SFMBT2: variants seen among roughly 807,000 people sequenced by gnomAD.
SFMBT2 encodes scm-like with four MBT domains protein 2.
A neutral mutation model predicts 110.1 loss-of-function variants in SFMBT2; 38 were observed. The observed-to-expected ratio is 0.35, with a 90% CI of 0.27 to 0.45. SFMBT2 has a LOEUF of 0.45. SFMBT2 is among the 20% of genes least tolerant of loss of function. SFMBT2 has a pLI of 1.00. For missense variants in SFMBT2, 1,011 were observed against 1,094.9 expected (o/e 0.92, Z 1.08); for synonymous variants, 425 against 425.4 (o/e 1.00, Z 0.01).
intron 4 of SFMBT2, among the ~76,000 whole-genome samples, chr10:7,290,650 A>C (rs1336211430): frequency 2.6e-5 from 4 of 152,128 alleles, no homozygotes; most frequent in Non-Finnish European, 5.9e-5. Flanking sequence ...ATCCTGGGTA[A>C]CACAGCAAGA....
chr10:7,319,569 T>C (rs1008499864), intron 4 of SFMBT2, among the ~76,000 whole-genome samples: 2 of 152,230 alleles, frequency 1.3e-5, no homozygotes, highest in African/African-American at 4.8e-5. Flanking sequence ...GGAAGTTTCA[T>C]TTTGTTTATT....
rs928208665 is a variant in SFMBT2 at position 7,320,596 on chromosome 10, G to C, written c.437-34642C>G. The C allele has an allele frequency of 2.1e-5, 21 of 985,136 alleles. No individual in the cohort carries two copies. The Admixed American group carries it at 9.2e-4, about 43-fold the overall frequency. 61.0% of individuals were successfully genotyped at this position (985,136 alleles called of 1,614,324 possible). On this transcript the variant is annotated intron_variant, in intron 4 of 20. Transcript: ENST00000397167. ...AGAACAGTAAAGTCACACCTGCTGA[G>C]AGCCAATATATGGAATTCCTTTTCA... is the stretch of plus-strand genomic sequence containing the variant.
At chr10:7,227,259 G>A (rs1588359720) in intron 10 of SFMBT2, among the ~76,000 whole-genome samples, 1 of 152,220 alleles carries the variant, frequency 6.6e-6, no homozygotes, top group South Asian at 2.1e-4. Context: ...TCTCCTATCA[G>A]TGGGTTCGTG....
intron 1 of SFMBT2, among the ~76,000 whole-genome samples, chr10:7,396,825 C>G (rs1352678235): frequency 6.7e-6 from 1 of 148,948 alleles, no homozygotes; most frequent in Non-Finnish European, 1.5e-5. Context: ...CATGTTCTCA[C>G]TCATAGGTGG....
Position 7,276,924 on chromosome 10 carries a change from C to T in SFMBT2, c.838G>A (p.Ala280Thr), listed in dbSNP as rs1381453808. The T allele has an allele frequency of 1.1e-6, 1 of 872,830 alleles. No homozygotes were observed. The highest frequency in any genetic ancestry group is 2.4e-5 in the East Asian group (1 of 41,712). The allele number at this position is 872,830 out of a possible 1,614,324, so 54.1% of individuals were successfully genotyped here. A position where few individuals can be genotyped will look rare whatever the true frequency, so the allele number is the denominator to read the frequency against. Residue 280 changes from alanine (A) to threonine (T), a missense_variant, in exon 7 of 21, where the codon GCC becomes ACC. By Grantham distance (58) the Ala-to-Thr change is moderately conservative (BLOSUM62 0). Transcript: ENST00000397167. ...ACTTCCATTGGAAGAGGAAATTTGGCAGCATCAATAAGGGATTTTTCCAGA... is the reference window on the plus strand; with the variant it reads ...ACTTCCATTGGAAGAGGAAATTTGGTAGCATCAATAAGGGATTTTTCCAGA... ...CTLEKSLIDA[A>T]KFPLPMEVFK...
At chr10:7,405,926 T>C (rs1181051566) in intron 1 of SFMBT2, among the ~76,000 whole-genome samples, 3 of 150,760 alleles carry the variant, frequency 2.0e-5, no homozygotes. Flanking sequence ...TCCTGGTTTG[T>C]TGTGACGCAT....
chr10:7,188,505 G>C (rs745770750), intron 16 of SFMBT2, 119 bp downstream of exon 16: 9 of 731,068 alleles, frequency 1.2e-5, no homozygotes, highest in Non-Finnish European at 2.0e-5. Context: ...ACTGCAGAAC[G>C]AACGTCCTTC....
intron 4 of SFMBT2, among the ~76,000 whole-genome samples, chr10:7,327,029 T>C (rs750072499): frequency 2.0e-5 from 3 of 151,556 alleles, no homozygotes; most frequent in Non-Finnish European, 4.4e-5. Flanking sequence ...AAAAGCATCG[T>C]CTCCTCCCTG....
At chr10:7,233,161 C>G (rs913578044) in intron 9 of SFMBT2, among the ~76,000 whole-genome samples, 1 of 152,180 alleles carries the variant, frequency 6.6e-6, no homozygotes, top group Non-Finnish European at 1.5e-5. Context: ...TTGCTATCTA[C>G]CTGGCTGGCA....
At chr10:7,276,814 C>T in intron 7 of SFMBT2, 78 bp downstream of exon 7, 1 of 772,894 alleles carries the variant, frequency 1.3e-6, no homozygotes. Context: ...GCATGAGCCA[C>T]TGCGCCCGGC....
intron 4 of SFMBT2, among the ~76,000 whole-genome samples, chr10:7,350,618 G>C (rs546083491): frequency 2.6e-5 from 4 of 152,300 alleles, no homozygotes; most frequent in South Asian, 4.1e-4. Context: ...CACTGTGTTG[G>C]TTTACGGCAT....
chr10:7,301,288 A>G lies in SFMBT2; in HGVS notation c.437-15334T>C, dbSNP rs536014427. Among the ~76,000 whole-genome samples, 5 of 152,380 alleles carry G rather than the reference A, an allele frequency of 3.3e-5. No individual in the cohort carries two copies. The highest frequency in any genetic ancestry group is 1.3e-4 in the Admixed American group (2 of 15,310). ...AAATCAGCGTGAGACACTAGTAACT[A>G]GCAAGACACTATGGACTAGTTGCCA... is the stretch of plus-strand genomic sequence containing the variant. On this transcript the variant is annotated intron_variant, in intron 4 of 20. Transcript: ENST00000397167. This position sits in a 1 kb window ranked among gnomAD's most constrained non-coding sequence, Gnocchi z 4.2.
intron 4 of SFMBT2, among the ~76,000 whole-genome samples, chr10:7,344,098 C>T (rs1162566347): frequency 6.6e-6 from 1 of 152,224 alleles, no homozygotes; most frequent in Non-Finnish European, 1.5e-5. Flanking sequence ...GGTTTAATCT[C>T]TTGTCCTATT....
At chr10:7,346,678 A>G (rs1050549032) in intron 4 of SFMBT2, among the ~76,000 whole-genome samples, 13 of 152,212 alleles carry the variant, frequency 8.5e-5, no homozygotes, top group South Asian at 2.1e-4. Flanking sequence ...ATCTTTAAAA[A>G]TTTTTTGTAG....
At chr10:7,387,180 C>A (rs1259603518) in intron 1 of SFMBT2, among the ~76,000 whole-genome samples, 1 of 152,188 alleles carries the variant, frequency 6.6e-6, no homozygotes, top group African/African-American at 2.4e-5. Context: ...CTCAACACTC[C>A]TAGGCATGGA....
intron 1 of SFMBT2, among the ~76,000 whole-genome samples, chr10:7,395,972 C>T (rs61106887): frequency 0.093 from 14,102 of 152,038 alleles, 751 homozygotes; most frequent in African/African-American, 0.14. Flanking sequence ...AGGTGGCTCA[C>T]ACGTGTAATC....
At chr10:7,294,410 T>G (rs530879152) in intron 4 of SFMBT2, among the ~76,000 whole-genome samples, 52 of 152,342 alleles carry the variant, frequency 3.4e-4, no homozygotes, top group African/African-American at 1.0e-3. Flanking sequence ...AGAACCCACC[T>G]TGCATTGTAC....
In SFMBT2 at chr10:7,331,464, T is replaced by A. The variant is rs143044026; in HGVS notation, c.436+36185A>T. ...ACCTTATAAAGACAGGATGTCAGAG[T>A]CGGAAAGTCATTTTAGTTCATTAAA... is the stretch of plus-strand genomic sequence containing the variant. On this transcript the variant is annotated intron_variant, in intron 4 of 20. Transcript: ENST00000397167. 2.7e-3 allele frequency among the ~76,000 whole-genome samples: 405 copies of A among 152,204 alleles called. 3 individuals are homozygous for A. Among genetic ancestry groups the A allele is most frequent in the African/African-American group, 8.9e-3 (371 of 41,532 alleles).
At position 7,230,488 on chromosome 10, in the gene SFMBT2, C is replaced by T. The variant is rs113016662; in HGVS notation, c.1121-2551G>A. ...AGAATTAGCCTCAAGACACGTCAAA[C>T]GGAGAAGTTTCTTAACAGGACAAAG... On this transcript the variant is annotated intron_variant, in intron 9 of 20. Coordinates refer to ENST00000397167, the MANE Select transcript of SFMBT2 (RefSeq NM_001387889.1). Among the ~76,000 whole-genome samples the T allele has an allele frequency of 1.4e-3, 211 of 152,220 alleles. 2 individuals carry two copies. Among genetic ancestry groups the T allele is most frequent in the African/African-American group, 4.2e-3 (176 of 41,526 alleles).
Sources: gnomAD v4.1 joint callset for allele counts (sites outside exome capture counted in the v4.1 genomes callset) on GRCh38, gnomAD v4.1.1 for gene constraint, Gnocchi (gnomAD v3.1) non-coding constraint, MANE v1.5 for transcripts, NCBI Gene and HGNC (gene_info 2026-07-23, HGNC 2026-07-21) for gene names.